PALM: variants seen among roughly 807,000 people sequenced by gnomAD.
PALM encodes paralemmin.
Under a neutral mutation model 30.7 loss-of-function variants are expected in PALM, and 18 were observed. That is an observed-to-expected ratio of 0.59 (90% CI 0.41 to 0.87). PALM has a LOEUF of 0.87. Among genes scored for constraint, PALM ranks in the 40% least tolerant of loss-of-function variants. The pLI is 0.00. For missense variants in PALM, 529 were observed against 555.4 expected, an observed-to-expected ratio of 0.95 and a Z score of 0.48; for synonymous variants, 286 against 242.8, an observed-to-expected ratio of 1.18 and a Z score of -1.66.
intron 4 of PALM, among the ~76,000 whole-genome samples, chr19:728,264 C>T (rs912100809): frequency 2.1e-4 from 32 of 152,084 alleles, no homozygotes; most frequent in African/African-American, 7.0e-4. Flanking sequence ...GGCGGGAGGC[C>T]CAGGCTGTGC....
chr19:731,081 C>T lies in PALM; in HGVS notation c.270-14C>T, dbSNP rs1214611983. ...GATGCAGGAGTCACCCTCACAGGCA[C>T]ACCCTCTCCCCAGGTTGGAGAAGGA... is the stretch of plus-strand genomic sequence containing the variant. On this transcript the variant is annotated splice_polypyrimidine_tract_variant and intron_variant, in intron 4 of 8. Transcript: ENST00000338448. The T allele has an allele frequency of 1.3e-6, 2 of 1,555,686 alleles. No individual in the cohort carries two copies. The highest frequency in any genetic ancestry group is 1.9e-5 in the Admixed American group (1 of 52,098).
rs1485870001 is a variant in PALM, at chr19:720,284, AT to A, written c.6-5853del. On this transcript the variant is annotated intron_variant, in intron 1 of 8. Coordinates refer to ENST00000338448, the MANE Select transcript of PALM (RefSeq NM_002579.3). Reference sequence around the variant, plus strand: ...GCGACCGCCTCCCGCGGGCCCCTCCATCCATCACCGGGGCGGCGGCGCCCGG... The same window carrying A: ...GCGACCGCCTCCCGCGGGCCCCTCCACCATCACCGGGGCGGCGGCGCCCGG... Among the ~76,000 whole-genome samples the A allele has an allele frequency of 3.3e-5, 5 of 150,832 alleles. No individual in the cohort carries two copies. In the East Asian group the frequency reaches 1.0e-3, roughly 30 times the overall value.
chr19:719,173 A>G, intron 1 of PALM: 1 of 985,172 alleles, frequency 1.0e-6, no homozygotes, highest in South Asian at 4.7e-5. Context: ...TGGGTTCTGG[A>G]AGGACGAGTG....
In PALM at chr19:746,879, G is replaced by A; in HGVS notation, c.*65G>A. 1.0e-6 allele frequency: 1 copy of A among 959,230 alleles called. No individual in the cohort carries two copies. The highest frequency in any genetic ancestry group is 1.7e-5 in the South Asian group (1 of 60,064). 59.4% of individuals were successfully genotyped at this position (959,230 alleles called of 1,614,324 possible). A position where few individuals can be genotyped will look rare whatever the true frequency, so the allele number is the denominator to read the frequency against. On this transcript the variant is annotated 3_prime_UTR_variant, in exon 9 of 9. Transcript: ENST00000338448. This position sits in a 1 kb window ranked among gnomAD's most constrained non-coding sequence, Gnocchi z 7.1. The stretch of plus-strand genomic sequence containing the variant: ...ACACCCACCAGCCCGGCCCCTCCCG[G>A]CGCCTGCCCACCCTCCACCCACAGC...
intron 1 of PALM, among the ~76,000 whole-genome samples, chr19:724,541 G>T (rs1158706378): frequency 6.6e-6 from 1 of 151,986 alleles, no homozygotes; most frequent in East Asian, 1.9e-4. Flanking sequence ...GGCTGGTCTA[G>T]AACTCCTGAC....
rs151097749 is a variant in PALM at position 717,803 on chromosome 19, C to G, written c.6-8335C>G. Among the ~76,000 whole-genome samples the G allele has an allele frequency of 2.4e-4, 37 of 152,228 alleles. 1 individual carries two copies. In the East Asian group the frequency reaches 6.9e-3, roughly 29 times the overall value. Reference sequence around the variant, plus strand: ...GGCTTCCTCTGAAGATGGAAAGACCCTAATCGACTCCCTGGGGCAGCAAGC... The same window carrying G: ...GGCTTCCTCTGAAGATGGAAAGACCGTAATCGACTCCCTGGGGCAGCAAGC... On this transcript the variant is annotated intron_variant, in intron 1 of 8. Transcript: ENST00000338448.
At position 740,385 on chromosome 19, in the gene PALM, A is replaced by G; in HGVS notation, c.536A>G (p.Asp179Gly). ...TCGGTTGAGATCACTGTGGAGAAGG[A>G]CAAGGTGACAGGGGAGACCAGGGTG... ...MYSVEITVEK[D>G]KVTGETRVLS... The change falls in exon 8 of 9, where the codon GAC becomes GGC. Residue 179 changes from aspartate (D) to glycine (G), a missense_variant. By Grantham distance (94) the Asp-to-Gly change is moderately conservative. Coordinates refer to ENST00000338448, the MANE Select transcript of PALM (RefSeq NM_002579.3). The G allele has an allele frequency of 6.4e-7, 1 of 1,563,084 alleles. No homozygotes were observed. The highest frequency in any genetic ancestry group is 8.7e-7 in the Non-Finnish European group (1 of 1,153,360).
At chr19:723,948 C>T (rs1343719293) in intron 1 of PALM, among the ~76,000 whole-genome samples, 1 of 151,488 alleles carries the variant, frequency 6.6e-6, no homozygotes, top group East Asian at 1.9e-4. Context: ...TGAGGGCCCA[C>T]AGACCAGGGA....
chr19:725,591 G>C (rs924842106), intron 1 of PALM, among the ~76,000 whole-genome samples: 1 of 152,146 alleles, frequency 6.6e-6, no homozygotes, highest in Non-Finnish European at 1.5e-5. Context: ...GATTGGATAA[G>C]AGCGAGTCTG....
At chr19:744,216 A>G (rs573164012) in intron 8 of PALM, among the ~76,000 whole-genome samples, 8 of 151,850 alleles carry the variant, frequency 5.3e-5, no homozygotes, top group South Asian at 4.2e-4. Context: ...CTGGCTAACA[A>G]GGTGAAACCC....
At chr19:740,197 C>T (rs1006875902) in intron 7 of PALM, among the ~76,000 whole-genome samples, 155 bp from the exon 8 acceptor site, 10 of 152,188 alleles carry the variant, frequency 6.6e-5, no homozygotes, top group Non-Finnish European at 1.2e-4. Flanking sequence ...TGGGGAGGGC[C>T]GCGTCGAGAA....
intron 5 of PALM, among the ~76,000 whole-genome samples, chr19:733,240 T>C (rs949572037): frequency 2.0e-5 from 3 of 152,124 alleles, no homozygotes; most frequent in African/African-American, 7.2e-5. Flanking sequence ...AAGTGGGTTT[T>C]GAAGGTTGAA....
chr19:738,271 A>C (rs1015156229), intron 7 of PALM, among the ~76,000 whole-genome samples: 5 of 152,146 alleles, frequency 3.3e-5, no homozygotes, highest in Non-Finnish European at 7.4e-5. Flanking sequence ...TCACCCCTGT[A>C]ATCCCAGCAC....
Position 746,188 on chromosome 19 carries a change from C to A in PALM, c.635-97C>A, listed in dbSNP as rs533991060. On this transcript the variant is annotated intron_variant, in intron 8 of 8. Transcript: ENST00000338448. The surrounding 1 kb of genome is among the most constrained non-coding windows in gnomAD (Gnocchi z 7.1). ...TTCCTCTTTAGCCTGGAGGAGGATA[C>A]AAGCCTTGCCAAGGTTTCCCTCCTG... 4.3e-5 allele frequency: 38 copies of A among 879,540 alleles called. No homozygotes were observed. Among genetic ancestry groups the A allele is most frequent in the Non-Finnish European group, 6.7e-5 (37 of 550,484 alleles). 54.5% of individuals were successfully genotyped at this position (879,540 alleles called of 1,614,324 possible). A position where few individuals can be genotyped will look rare whatever the true frequency, so the allele number is the denominator to read the frequency against.
chr19:717,323 C>T (rs889919781), intron 1 of PALM, among the ~76,000 whole-genome samples: 2 of 152,192 alleles, frequency 1.3e-5, no homozygotes, highest in African/African-American at 4.8e-5. Context: ...CCCCTCCCCC[C>T]AGCCCTCGGG....
At chr19:737,492 A>G (rs550002778) in intron 7 of PALM, among the ~76,000 whole-genome samples, 2 of 152,336 alleles carry the variant, frequency 1.3e-5, no homozygotes, top group South Asian at 2.1e-4. Context: ...CACAACCTCT[A>G]CTACGGTAGA....
rs1257560285 is a variant in PALM at position 709,866 on chromosome 19, C to G, written c.5+715C>G. Among the ~76,000 whole-genome samples, 1 of 151,974 alleles carries G rather than the reference C, an allele frequency of 6.6e-6. No homozygotes were observed. Among genetic ancestry groups the G allele is most frequent in the Non-Finnish European group, 1.5e-5 (1 of 67,962 alleles). On this transcript the variant is annotated intron_variant, in intron 1 of 8. Transcript: ENST00000338448. This position sits in a 1 kb window ranked among gnomAD's most constrained non-coding sequence, Gnocchi z 4.3. ...GTGTAGCTACAGGAGTGGGCTGGCC[C>G]TGGGCTGGGATCCCTGGACCCCCGC...
intron 4 of PALM, among the ~76,000 whole-genome samples, chr19:730,381 G>A (rs2032833571): frequency 6.6e-6 from 1 of 152,188 alleles, no homozygotes; most frequent in Non-Finnish European, 1.5e-5. Context: ...CCGGGGCTGG[G>A]ATTTCATATC....
chr19:732,742 C>T (rs1456155921), intron 5 of PALM, among the ~76,000 whole-genome samples: 19 of 151,418 alleles, frequency 1.3e-4, no homozygotes, highest in Non-Finnish European at 2.2e-4. Flanking sequence ...ACTGAGCTCA[C>T]GTCAGGTGGG....
Sources: allele counts gnomAD v4.1 joint callset (sites outside exome capture counted in the v4.1 genomes callset), GRCh38; gene constraint gnomAD v4.1.1; non-coding constraint Gnocchi (gnomAD v3.1); transcripts MANE v1.5; gene names NCBI Gene and HGNC (gene_info 2026-07-23, HGNC 2026-07-21).